KLK12: variants seen among roughly 807,000 people sequenced by gnomAD.
KLK12 encodes the protein kallikrein-12.
KLK12 carries 23 observed loss-of-function variants against 20.0 expected under a neutral mutation model. The observed-to-expected ratio is 1.15, with a 90% CI of 0.83 to 1.63. KLK12 has a LOEUF of 1.63. Among genes scored for constraint, KLK12 ranks in the 40% most tolerant of loss-of-function variants. KLK12 has a pLI of 0.00. For synonymous variants in KLK12, 147 were observed against 141.9 expected, an observed-to-expected ratio of 1.04 and a Z score of -0.25; for missense variants, 351 against 338.6, an observed-to-expected ratio of 1.04 and a Z score of -0.29.
At chr19:51,030,670 C>T (rs895449420) in intron 5 of KLK12, 118 bp downstream of exon 5, 11 of 1,422,764 alleles carry the variant, frequency 7.7e-6, no homozygotes, top group Non-Finnish European at 1.1e-5. Flanking sequence ...TTTTTGACCC[C>T]GTCTCTCTGC....
chr19:51,031,781 C>T (rs560832420), intron 4 of KLK12, 95 bp downstream of exon 4: 3 of 1,335,664 alleles, frequency 2.2e-6, no homozygotes, highest in South Asian at 1.2e-5. Flanking sequence ...ACCCTTTACC[C>T]ATCCTTCCTC....
chr19:51,034,900 C>T lies in KLK12; in HGVS notation c.-114G>A. 7.5e-7 allele frequency: 1 copy of T among 1,342,140 alleles called. No individual in the cohort carries two copies. The highest frequency in any genetic ancestry group is 9.6e-7 in the Non-Finnish European group (1 of 1,041,158). The allele number at this position is 1,342,140 out of a possible 1,614,324, so 83.1% of individuals were successfully genotyped here. On this transcript the variant is annotated 5_prime_UTR_variant, in exon 1 of 6. Transcript: ENST00000684732. Reference sequence around the variant, plus strand: ...CTCCGTCCACCTACCTGCCTGTCTTCTCATGTGCTGGCCACTCCGCCAGCC... The same window carrying T: ...CTCCGTCCACCTACCTGCCTGTCTTTTCATGTGCTGGCCACTCCGCCAGCC...
chr19:51,031,974 A>C lies in KLK12; in HGVS notation c.359T>G (p.Val120Gly). The change falls in exon 4 of 6, where the codon GTA becomes GGA. Residue 120 changes from valine to glycine, a missense_variant. By Grantham distance (109) the Val-to-Gly change is moderately radical (BLOSUM62 -3). Coordinates refer to ENST00000684732, the MANE Select transcript of KLK12 (RefSeq NM_001370125.1). Reference protein sequence around the residue: ...RLLRLRLPVRVTSSVQPLPLP... With the variant: ...RLLRLRLPVRGTSSVQPLPLP... ...GGGCAGGGGTTGAACGCTGCTGGTT[A>C]CGCGGACGGGCAGGCGCAGCCGCAG... 6.2e-7 allele frequency: 1 copy of C among 1,613,238 alleles called. No homozygotes were observed. The highest frequency in any genetic ancestry group is 8.5e-7 in the Non-Finnish European group (1 of 1,179,718).
Position 51,029,392 on chromosome 19 carries a change from C to T in KLK12, c.657G>A (p.Val219=). 2 of 1,613,876 alleles carry T rather than the reference C, an allele frequency of 1.2e-6. No individual in the cohort carries two copies. The highest frequency in any genetic ancestry group is 3.3e-5 in the Admixed American group (2 of 60,022). Residue 219 remains valine (V), a synonymous_variant, in exon 6 of 6, where the codon GTG becomes GTA. Coordinates refer to ENST00000684732, the MANE Select transcript of KLK12 (RefSeq NM_001370125.1). ...GGATGCCATCTTGTCCACAGGGCCC[C>T]ACAGACCCCCAGGACACCAGACCTT... The part of the protein sequence containing the change: ...VLQGLVSWGS[V]GPCGQDGIPG...
chr19:51,034,691 C>T (rs983064537), intron 1 of KLK12, 51 bp from the exon 2 acceptor site: 190 of 1,562,330 alleles, frequency 1.2e-4, no homozygotes, highest in South Asian at 3.9e-4. Context: ...TGCCCCCCAC[C>T]TCTGCCCTCT....
rs1011847234 is a variant in KLK12, at chr19:51,034,835, G to C, written c.-49C>G. ...TCTCTTTGTCTGCCAGATCCTCTACGTGGCTGTCACTGTTTGGCCTGTCCT... is the reference window on the plus strand; with the variant it reads ...TCTCTTTGTCTGCCAGATCCTCTACCTGGCTGTCACTGTTTGGCCTGTCCT... On this transcript the variant is annotated 5_prime_UTR_variant, in exon 1 of 6. Transcript: ENST00000684732. 6.9e-7 allele frequency: 1 copy of C among 1,443,492 alleles called. No homozygotes were observed. The highest frequency in any genetic ancestry group is 1.4e-5 in the African/African-American group (1 of 70,286). 89.4% of individuals were successfully genotyped at this position (1,443,492 alleles called of 1,614,324 possible).
chr19:51,034,208 T>TGA, intron 2 of KLK12, 69 bp from the exon 3 acceptor site: 2 of 1,482,364 alleles, frequency 1.3e-6, no homozygotes, highest in South Asian at 1.2e-5. Context: ...ACACACAGAG[T>TGA]GAGAGAGAGA....
In KLK12 at chr19:51,030,780, T is replaced by G. The variant is rs769044279; in HGVS notation, c.591+8A>C. The G allele has an allele frequency of 1.9e-6, 3 of 1,613,362 alleles. No homozygotes were observed. The South Asian group carries it at 3.3e-5, about 18-fold the overall frequency. On this transcript the variant is annotated splice_region_variant and intron_variant, in intron 5 of 5. Coordinates refer to ENST00000684732, the MANE Select transcript of KLK12 (RefSeq NM_001370125.1). ...TGGTGACCACGCACGCTGCCTGCAC[T>G]GGCTCACCTGGCAGGCATCCTGCCC...
intron 3 of KLK12, among the ~76,000 whole-genome samples, chr19:51,033,555 G>A (rs1263503143): frequency 1.3e-5 from 2 of 152,200 alleles, no homozygotes; most frequent in Non-Finnish European, 2.9e-5. Flanking sequence ...GGCAGAGACA[G>A]CAGTGAGCTG....
At chr19:51,030,604 C>T (rs2091546270) in intron 5 of KLK12, among the ~76,000 whole-genome samples, 184 bp downstream of exon 5, 1 of 152,096 alleles carries the variant, frequency 6.6e-6, no homozygotes, top group Non-Finnish European at 1.5e-5. Flanking sequence ...CCCGCCTCGG[C>T]CTCCCAAAGT....
chr19:51,034,788 C>T lies in KLK12; in HGVS notation c.-20+18G>A, dbSNP rs1034548003. 50 of 1,488,664 alleles carry T rather than the reference C, an allele frequency of 3.4e-5. No individual in the cohort carries two copies. Among genetic ancestry groups the T allele is most frequent in the African/African-American group, 7.0e-5 (5 of 71,836 alleles). 92.2% of individuals were successfully genotyped at this position (1,488,664 alleles called of 1,614,324 possible). ...TGTGTGTCACTCCCTCATTGGCAGT[C>T]GCCTACCTCCTTCTCACCTTGTCTC... On this transcript the variant is annotated intron_variant, in intron 1 of 5. Transcript: ENST00000684732.
At position 51,029,251 on chromosome 19, in the gene KLK12, G is replaced by A. The variant is rs763084114; in HGVS notation, c.*51C>T. The A allele has an allele frequency of 4.3e-6, 7 of 1,613,950 alleles. No homozygotes were observed. In the East Asian group the frequency reaches 1.3e-4, roughly 31 times the overall value. On this transcript the variant is annotated 3_prime_UTR_variant, in exon 6 of 6. Transcript: ENST00000684732. The stretch of plus-strand genomic sequence containing the variant: ...TGGAGGAGATATTGGTGCTCTGAGG[G>A]CCAGAGGGGTACCCAAGTTAAGGGG...
At position 51,034,127 on chromosome 19, in the gene KLK12, G is replaced by C. The variant is rs944571733; in HGVS notation, c.50C>G (p.Ala17Gly). Residue 17 changes from alanine (A) to glycine (G), a missense_variant, in exon 3 of 6, where the codon GCA becomes GGA. Ala to Gly is a moderately conservative substitution (Grantham distance 60). Coordinates refer to ENST00000684732, the MANE Select transcript of KLK12 (RefSeq NM_001370125.1). ...GCCATTGAAAATCTTCGGTGTGGCT[G>C]CCTGGCTGAGCCCTGGAGACAGACA... ...LLLCVLGLSQ[A>G]ATPKIFNGTE... 4.5e-6 allele frequency: 7 copies of C among 1,552,756 alleles called. No individual in the cohort carries two copies. In the African/African-American group the frequency reaches 9.6e-5, roughly 21 times the overall value.
chr19:51,031,595 C>CATATAT lies in KLK12; in HGVS notation c.457+275_457+280dup, dbSNP rs1555789322. Among the ~76,000 whole-genome samples, 142 of 120,478 alleles carry CATATAT rather than the reference C, an allele frequency of 1.2e-3. 4 individuals carry two copies. Among genetic ancestry groups the CATATAT allele is most frequent in the African/African-American group, 3.5e-3 (119 of 34,326 alleles). 79.0% of individuals were successfully genotyped at this position (120,478 alleles called of 152,430 possible). On this transcript the variant is annotated intron_variant, in intron 4 of 5. Coordinates refer to ENST00000684732, the MANE Select transcript of KLK12 (RefSeq NM_001370125.1). Reference sequence around the variant, plus strand: ...CCACAATGCCCATATCCTATACATACATATATATATATATATGCCTTTTGC... The same window carrying CATATAT: ...CCACAATGCCCATATCCTATACATACATATATATATATATATATATATGCCTTTTGC...
intron 4 of KLK12, chr19:51,031,654 C>T (rs1189531865): frequency 1.7e-6 from 1 of 603,578 alleles, no homozygotes; most frequent in Non-Finnish European, 3.0e-6. Context: ...ACTCTGACCT[C>T]TGACCTCTGA....
chr19:51,033,951 C>G (rs1484635111), intron 3 of KLK12, 29 bp downstream of exon 3: 1 of 1,604,262 alleles, frequency 6.2e-7, no homozygotes, highest in Non-Finnish European at 8.5e-7. Flanking sequence ...CCATAGTCCT[C>G]CCTTCGCCCA....
intron 4 of KLK12, 63 bp from the exon 5 acceptor site, chr19:51,030,984 T>C (rs983495608): frequency 1.9e-6 from 3 of 1,600,014 alleles, no homozygotes; most frequent in African/African-American, 2.7e-5. Context: ...GCCACGTCCC[T>C]CTTCCCTGGA....
At position 51,030,804 on chromosome 19, in the gene KLK12, C is replaced by A; in HGVS notation, c.575G>T (p.Gly192Val). 6.2e-7 allele frequency: 1 copy of A among 1,613,904 alleles called. No individual in the cohort carries two copies. The change falls in exon 5 of 6, where the codon GGG becomes GTG. Residue 192 changes from glycine (G) to valine (V), a missense_variant. Transcript: ENST00000684732. ...CTGGCTCACCTGGCAGGCATCCTGC[C>A]CCGGGACGCCGCCTGCACACACCAT... is the stretch of plus-strand genomic sequence containing the variant. ...SNMVCAGGVPGQDACQGDSGG... is the reference protein window; with the variant it reads ...SNMVCAGGVPVQDACQGDSGG...
chr19:51,031,994 C>T lies in KLK12; in HGVS notation c.339G>A (p.Arg113=). The change falls in exon 4 of 6, where the codon CGG becomes CGA. Residue 113 remains arginine, a synonymous_variant. Coordinates refer to ENST00000684732, the MANE Select transcript of KLK12 (RefSeq NM_001370125.1). The part of the protein sequence containing the change: ...TSHEHDLRLL[R]LRLPVRVTSS... ...TGGTTACGCGGACGGGCAGGCGCAG[C>T]CGCAGCAGCCGGAGGTCGTGCTCGT... 1 of 1,612,788 alleles carries T rather than the reference C, an allele frequency of 6.2e-7. No homozygotes were observed. The highest frequency in any genetic ancestry group is 8.5e-7 in the Non-Finnish European group (1 of 1,179,710).
Sources: allele counts gnomAD v4.1 joint callset (sites outside exome capture counted in the v4.1 genomes callset), GRCh38; gene constraint gnomAD v4.1.1; transcripts MANE v1.5; gene names NCBI Gene and HGNC (gene_info 2026-07-23, HGNC 2026-07-21).